The following PMM2 variants were observed in gnomAD, a reference collection of about 807,000 sequenced individuals.
The protein encoded by PMM2 is mannose-6-phosphate isomerase.
In PMM2, 35 loss-of-function variants were observed where a neutral mutation model predicts 33.2. That is an observed-to-expected ratio of 1.06 (90% CI 0.81 to 1.40). The LOEUF (loss-of-function observed/expected upper bound fraction) is 1.40. PMM2 is among the 40% of genes most tolerant of loss of function. The pLI, the probability that PMM2 is intolerant of heterozygous loss-of-function variation, is 0.00. For synonymous variants in PMM2, 153 were observed against 114.7 expected (o/e 1.33, Z -2.13); for missense variants, 386 against 306.0 (o/e 1.26, Z -1.95).
chr16:8,835,784 A>G (rs1446893393), intron 7 of PMM2, among the ~76,000 whole-genome samples: 3 of 151,844 alleles, frequency 2.0e-5, no homozygotes, highest in Non-Finnish European at 2.9e-5. Flanking sequence ...TGAGTGGGGT[A>G]AGGGTGATTA....
At chr16:8,827,783 T>TA (rs1255774930) in intron 7 of PMM2, among the ~76,000 whole-genome samples, 358 of 81,470 alleles carry the variant, frequency 4.4e-3, no homozygotes, top group East Asian at 8.7e-3. Flanking sequence ...TATATATATA[T>TA]TTATATATAT....
intron 7 of PMM2, among the ~76,000 whole-genome samples, chr16:8,840,590 C>T (rs566472494): frequency 6.8e-4 from 103 of 152,046 alleles, no homozygotes; most frequent in Non-Finnish European, 1.4e-3. Context: ...GTATTAGGCT[C>T]ATAAGGGTTA....
chr16:8,802,992 G>A (rs989239783), intron 2 of PMM2, among the ~76,000 whole-genome samples: 14 of 152,004 alleles, frequency 9.2e-5, no homozygotes, highest in African/African-American at 3.4e-4. Context: ...CCATTATGAA[G>A]GCTGTCCTGT....
At chr16:8,831,435 G>A (rs2060809049) in intron 7 of PMM2, among the ~76,000 whole-genome samples, 1 of 152,234 alleles carries the variant, frequency 6.6e-6, no homozygotes. Flanking sequence ...TACTCAGGAG[G>A]CTGAGGTGGG....
chr16:8,833,005 C>A (rs2060820244), intron 7 of PMM2: 1 of 580,698 alleles, frequency 1.7e-6, no homozygotes, highest in Non-Finnish European at 2.2e-6. Context: ...TGCGCCGTAT[C>A]CCCAGCTGCT....
intron 7 of PMM2, chr16:8,832,367 T>A (rs575021821): frequency 5.1e-6 from 5 of 985,382 alleles, no homozygotes; most frequent in East Asian, 2.3e-4. Context: ...CCTTCCTGGA[T>A]GGGAATTGAT....
At chr16:8,843,008 G>A (rs1428397189) in intron 7 of PMM2, among the ~76,000 whole-genome samples, 5 of 152,072 alleles carry the variant, frequency 3.3e-5, no homozygotes, top group Admixed American at 2.6e-4. Flanking sequence ...AATGAGATGC[G>A]GCTGTAGTCC....
At chr16:8,812,684 A>AT (rs2060684211) in intron 6 of PMM2, among the ~76,000 whole-genome samples, 2 of 152,142 alleles carry the variant, frequency 1.3e-5, no homozygotes, top group Admixed American at 6.6e-5. Context: ...CTGGTATCCG[A>AT]TTTTTCATAA....
chr16:8,836,624 A>T (rs2060849779), intron 7 of PMM2, among the ~76,000 whole-genome samples: 1 of 151,960 alleles, frequency 6.6e-6, no homozygotes, highest in Non-Finnish European at 1.5e-5. Flanking sequence ...GTCCACCTTG[A>T]AGGTGAGGTT....
At chr16:8,837,149 G>A (rs1275636980) in intron 7 of PMM2, among the ~76,000 whole-genome samples, 1 of 151,904 alleles carries the variant, frequency 6.6e-6, no homozygotes, top group African/African-American at 2.4e-5. Context: ...CAGGTGGGAG[G>A]GAAAGAAGGA....
chr16:8,837,063 G>A (rs565358403), intron 7 of PMM2, among the ~76,000 whole-genome samples: 4 of 151,966 alleles, frequency 2.6e-5, no homozygotes, highest in African/African-American at 7.2e-5. Context: ...GCCTGGCGAG[G>A]AGGAGAGGTC....
At chr16:8,804,037 T>TGTTTTTTG (rs55979610) in intron 2 of PMM2, among the ~76,000 whole-genome samples, 12 of 114,780 alleles carry the variant, frequency 1.0e-4, no homozygotes, top group Admixed American at 1.7e-4. Flanking sequence ...TTTTGTTTTT[T>TGTTTTTTG]TTTTTTTTTT....
At chr16:8,832,657 A>G (rs1037843957) in intron 7 of PMM2, 13 of 985,144 alleles carry the variant, frequency 1.3e-5, no homozygotes, top group Middle Eastern at 5.2e-4. Flanking sequence ...GCTCCCTTCA[A>G]TTGCGTCCTC....
chr16:8,844,557 C>T (rs976615599), intron 7 of PMM2, among the ~76,000 whole-genome samples: 7 of 152,238 alleles, frequency 4.6e-5, no homozygotes, highest in African/African-American at 1.7e-4. Flanking sequence ...GGGTCCTTGC[C>T]CCTTCCTCAG....
At chr16:8,832,281 G>T (rs183185103) in intron 7 of PMM2, 6 of 985,352 alleles carry the variant, frequency 6.1e-6, no homozygotes, top group East Asian at 1.1e-4. Context: ...CCTGCGAGCC[G>T]TGCGGCTCTC....
chr16:8,827,923 T>G (rs1231553903), intron 7 of PMM2, among the ~76,000 whole-genome samples: 2 of 72,160 alleles, frequency 2.8e-5, no homozygotes, highest in South Asian at 5.5e-4. Flanking sequence ...TATTATGTTT[T>G]ATATATAATA....
At chr16:8,815,715 T>G (rs1427686849) in intron 7 of PMM2, among the ~76,000 whole-genome samples, 5 of 151,980 alleles carry the variant, frequency 3.3e-5, no homozygotes, top group Non-Finnish European at 7.4e-5. Flanking sequence ...CCTGAAACTG[T>G]AAAACTCCTA....
intron 7 of PMM2, among the ~76,000 whole-genome samples, chr16:8,823,951 T>C (rs1416873859): frequency 6.6e-6 from 1 of 152,236 alleles, no homozygotes; most frequent in African/African-American, 2.4e-5. Context: ...CTTGGTAAAG[T>C]AACCGGCATC....
intron 7 of PMM2, among the ~76,000 whole-genome samples, chr16:8,845,795 CTTT>C (rs5815503): frequency 3.6e-5 from 5 of 140,000 alleles, no homozygotes; most frequent in African/African-American, 2.7e-5. Flanking sequence ...TGAAAGAAAT[CTTT>C]TTTTTTTTTT....
Sources: allele counts gnomAD v4.1 joint callset (sites outside exome capture counted in the v4.1 genomes callset), GRCh38; gene constraint gnomAD v4.1.1; transcripts MANE v1.5; gene names NCBI Gene and HGNC (gene_info 2026-07-23, HGNC 2026-07-21).